The following YLPM1 variants were observed in gnomAD, a reference collection of about 807,000 sequenced individuals.
The protein encoded by YLPM1 is YLP motif-containing protein 1.
In YLPM1, 99 loss-of-function variants were observed where a neutral mutation model predicts 230.0. The observed-to-expected ratio is 0.43, with a 90% CI of 0.37 to 0.51. The LOEUF is 0.51. YLPM1 is among the 20% of genes least tolerant of loss of function. The pLI is 0.00. For synonymous variants in YLPM1, 984 were observed against 942.5 expected (o/e 1.04, Z -0.81); for missense variants, 2,592 against 2,707.7 (o/e 0.96, Z 0.95).
intron 19 of YLPM1, among the ~76,000 whole-genome samples, chr14:74,831,230 A>G (rs1465422878): frequency 6.6e-6 from 1 of 152,180 alleles, no homozygotes; most frequent in African/African-American, 2.4e-5. Context: ...TAATGTGCTT[A>G]GTGTACTTAG....
intron 4 of YLPM1, among the ~76,000 whole-genome samples, chr14:74,790,896 A>G (rs2091200271): frequency 6.6e-6 from 1 of 152,182 alleles, no homozygotes; most frequent in Admixed American, 6.5e-5. Context: ...TTATAAATGA[A>G]AACGGTTTTG....
intron 20 of YLPM1, 85 bp downstream of exon 20, chr14:74,835,532 A>C (rs1343053498): frequency 8.4e-6 from 10 of 1,189,758 alleles, no homozygotes; most frequent in Non-Finnish European, 1.2e-5. Context: ...TTTTGCTAAA[A>C]ATGCTCTCTT....
rs1414708692 is a variant in YLPM1, at chr14:74,816,748, T to G, written c.5685+58T>G. The G allele has an allele frequency of 2.0e-6, 3 of 1,536,612 alleles. No homozygotes were observed. In the African/African-American group the frequency reaches 4.2e-5, roughly 21 times the overall value. On this transcript the variant is annotated intron_variant, in intron 13 of 20. Transcript: ENST00000325680. ...CATTAATAGTATTTAAAGGAAAATG[T>G]GTTTGGAGAGAAATGTGGCTTTTTT...
chr14:74,824,800 CTTTA>C (rs1440456261), intron 18 of YLPM1, among the ~76,000 whole-genome samples: 2 of 151,978 alleles, frequency 1.3e-5, no homozygotes, highest in Non-Finnish European at 2.9e-5. Flanking sequence ...GAGGAGCCTG[CTTTA>C]TAAGATTCAG....
chr14:74,816,989 A>G lies in YLPM1; in HGVS notation c.5744A>G (p.Lys1915Arg), dbSNP rs1285302272. The G allele has an allele frequency of 1.2e-6, 2 of 1,609,998 alleles. No individual in the cohort carries two copies. Among genetic ancestry groups the G allele is most frequent in the Middle Eastern group, 1.7e-4 (1 of 6,044 alleles). ...GAGACTTACCGCACCAGCATGTTCA[A>G]AACTTTCAAAAAGACTCTGGATGAT... ...MEETYRTSMF[K>R]TFKKTLDDGF... The change falls in exon 14 of 21, where the codon AAA (lysine) becomes AGA (arginine). Residue 1915 changes from lysine (K) to arginine (R), a missense_variant. Physicochemically the swap from Lys to Arg is conservative, Grantham distance 26 (BLOSUM62 2). Transcript: ENST00000325680.
chr14:74,822,470 C>G (rs1439966043), intron 17 of YLPM1, among the ~76,000 whole-genome samples: 1 of 152,108 alleles, frequency 6.6e-6, no homozygotes, highest in African/African-American at 2.4e-5. Flanking sequence ...AGAGTCATGG[C>G]AAGGAGGCCT....
chr14:74,767,127 C>G (rs1354543752), intron 1 of YLPM1, among the ~76,000 whole-genome samples: 2 of 152,140 alleles, frequency 1.3e-5, no homozygotes, highest in Non-Finnish European at 2.9e-5. Flanking sequence ...CATGATCCAG[C>G]TGCCTTGGCC....
rs377356405 is a variant in YLPM1, at chr14:74,797,925, T to G, written c.2628T>G (p.Asn876Lys). The G allele has an allele frequency of 2.0e-5, 33 of 1,613,808 alleles. No homozygotes were observed. The highest frequency in any genetic ancestry group is 2.3e-5 in the Non-Finnish European group (27 of 1,179,894). The change falls in exon 5 of 21, where the codon AAT (asparagine) becomes AAG (lysine). Residue 876 changes from asparagine (N) to lysine (K), a missense_variant. Asn to Lys is a moderately conservative substitution (Grantham distance 94, BLOSUM62 0). This residue lies in a region of YLPM1 where 1,862 missense variants were observed against 1,819.8 expected (regional missense o/e 1.02). Transcript: ENST00000325680. Reference sequence around the variant, plus strand: ...ACACCAGTAGTAACCAGCAGAAGAATTTTAAAATGCAATCAGCTGCATTTT... The same window carrying G: ...ACACCAGTAGTAACCAGCAGAAGAAGTTTAAAATGCAATCAGCTGCATTTT... Reference protein sequence around the residue: ...LADTSSNQQKNFKMQSAAFSI... With the variant: ...LADTSSNQQKKFKMQSAAFSI...
Position 74,836,003 on chromosome 14 carries a change from C to A in YLPM1, c.*265C>A, listed in dbSNP as rs367828677. On this transcript the variant is annotated 3_prime_UTR_variant, in exon 21 of 21. Transcript: ENST00000325680. ...TGATAGCTTAACTGCTGAAGCCAGG[C>A]GGGGGTCTGCTGGAGGATTCCAACA... is the stretch of plus-strand genomic sequence containing the variant. The A allele has an allele frequency of 2.4e-6, 1 of 419,434 alleles. No individual in the cohort carries two copies. The highest frequency in any genetic ancestry group is 4.7e-6 in the Non-Finnish European group (1 of 211,172). The allele number at this position is 419,434 out of a possible 1,614,324, so 26.0% of individuals were successfully genotyped here. A position where few individuals can be genotyped will look rare whatever the true frequency, so the allele number is the denominator to read the frequency against.
intron 18 of YLPM1, among the ~76,000 whole-genome samples, chr14:74,825,798 G>A (rs1198977104): frequency 1.3e-5 from 2 of 152,248 alleles, no homozygotes; most frequent in East Asian, 1.9e-4. Flanking sequence ...GAGGCCTCAT[G>A]TAATACATGA....
intron 15 of YLPM1, among the ~76,000 whole-genome samples, 170 bp downstream of exon 15, chr14:74,817,447 G>T (rs1036779877): frequency 6.6e-6 from 1 of 152,152 alleles, no homozygotes; most frequent in African/African-American, 2.4e-5. Flanking sequence ...TTGTGTTGCA[G>T]TTGCCTACAG....
chr14:74,820,179 G>A (rs1365590856), intron 16 of YLPM1, among the ~76,000 whole-genome samples: 1 of 152,066 alleles, frequency 6.6e-6, no homozygotes, highest in African/African-American at 2.4e-5. Flanking sequence ...TTTTCATTTA[G>A]TAGTCTCTGT....
chr14:74,770,187 A>G (rs1294958982), intron 1 of YLPM1, among the ~76,000 whole-genome samples: 1 of 151,616 alleles, frequency 6.6e-6, no homozygotes, highest in East Asian at 2.0e-4. Flanking sequence ...GACTCAAAAA[A>G]AAAAAAAACC....
intron 4 of YLPM1, among the ~76,000 whole-genome samples, chr14:74,783,830 T>G (rs775059092): frequency 1.3e-5 from 2 of 152,212 alleles, no homozygotes; most frequent in Non-Finnish European, 2.9e-5. Context: ...TATTATCTCA[T>G]GGAAGTCTTC....
intron 17 of YLPM1, chr14:74,823,899 T>C (rs2091542932): frequency 5.9e-6 from 1 of 168,532 alleles, no homozygotes; most frequent in African/African-American, 2.4e-5. Context: ...TTACAAATTC[T>C]CTGATACTCT....
Position 74,799,715 on chromosome 14 carries a change from G to A in YLPM1, c.4400+18G>A, listed in dbSNP as rs751896369. 1 of 1,574,090 alleles carries A rather than the reference G, an allele frequency of 6.4e-7. No homozygotes were observed. Among genetic ancestry groups the A allele is most frequent in the Non-Finnish European group, 8.6e-7 (1 of 1,159,876 alleles). On this transcript the variant is annotated intron_variant, in intron 5 of 20. Transcript: ENST00000325680. ...ATGCTTCGGTAAGTTGACTCCTTCAGATCCTTTCTTTTAATAAAAACCACA... is the reference window on the plus strand; with the variant it reads ...ATGCTTCGGTAAGTTGACTCCTTCAAATCCTTTCTTTTAATAAAAACCACA...
In YLPM1 at chr14:74,764,317, G is replaced by A. The variant is rs1356997726; in HGVS notation, c.828G>A (p.Gln276=). Residue 276 remains glutamine (Q), a synonymous_variant, in exon 1 of 21, where the codon CAG becomes CAA. Transcript: ENST00000325680. ...GGGCCAAAAACAAGAGTACTGAACA[G>A]CAGCAAGCCGCCCCTGAGCCAGATC... The part of the protein sequence containing the change: ...ESGAKNKSTE[Q]QQAAPEPDPS... The A allele has an allele frequency of 6.2e-7, 1 of 1,613,372 alleles. No individual in the cohort carries two copies.
Position 74,781,686 on chromosome 14 carries a change from C to T in YLPM1, c.1643C>T (p.Pro548Leu). 6.2e-7 allele frequency: 1 copy of T among 1,612,766 alleles called. No homozygotes were observed. Among genetic ancestry groups the T allele is most frequent in the Non-Finnish European group, 8.5e-7 (1 of 1,179,620 alleles). ...CCTTCATTGCCACCACCAGTGATGC[C>T]CCCTGCCCTCCCTGCTACAGTGCCA... Reference protein sequence around the residue: ...LPPSLPPPVMPPALPATVPPP... With the variant: ...LPPSLPPPVMLPALPATVPPP... The change falls in exon 4 of 21, where the codon CCC becomes CTC. Residue 548 changes from proline (P) to leucine (L), a missense_variant. Physicochemically the swap from Pro to Leu is moderately conservative, Grantham distance 98. Around this residue, in one of 4 missense-constraint regions of YLPM1, gnomAD observed 1,862 missense variants for 1,819.8 expected, o/e 1.02. Coordinates refer to ENST00000325680, the MANE Select transcript of YLPM1 (RefSeq NM_019589.3).
chr14:74,805,912 G>A (rs1391930879), intron 6 of YLPM1, among the ~76,000 whole-genome samples: 1 of 147,994 alleles, frequency 6.8e-6, no homozygotes, highest in Non-Finnish European at 1.5e-5. Context: ...CACCATGTTG[G>A]CCAGGCTGGT....
Sources: allele counts gnomAD v4.1 joint callset (sites outside exome capture counted in the v4.1 genomes callset), GRCh38; gene constraint gnomAD v4.1.1; regional missense constraint gnomAD v4.1.1; transcripts MANE v1.5; gene names NCBI Gene and HGNC (gene_info 2026-07-23, HGNC 2026-07-21).